TGFA: variants seen among roughly 807,000 people sequenced by gnomAD.
TGFA encodes the protein protransforming growth factor alpha.
A neutral mutation model predicts 21.7 loss-of-function variants in TGFA; 12 were observed. The ratio of observed to expected loss-of-function variants is 0.55; its 90% CI spans 0.35 to 0.90. TGFA has a LOEUF of 0.90. Ranked by LOEUF, TGFA falls within the 40% of genes least tolerant of loss-of-function variation. TGFA has a pLI of 0.01. For missense variants in TGFA, 178 were observed against 210.8 expected (o/e 0.84, Z 0.96); for synonymous variants, 79 against 88.1 (o/e 0.90, Z 0.58).
intron 2 of TGFA, among the ~76,000 whole-genome samples, chr2:70,478,551 G>A (rs987173321): frequency 6.6e-6 from 1 of 151,282 alleles, no homozygotes; most frequent in Non-Finnish European, 1.5e-5. Context: ...ATCATATCTT[G>A]TTATAACTGG....
At chr2:70,496,583 A>G (rs1215877535) in intron 2 of TGFA, among the ~76,000 whole-genome samples, 1 of 152,202 alleles carries the variant, frequency 6.6e-6, no homozygotes, top group African/African-American at 2.4e-5. Context: ...GTGACTTACT[A>G]ATTCTGACCT....
intron 1 of TGFA, among the ~76,000 whole-genome samples, chr2:70,530,289 T>G (rs906333707): frequency 6.6e-6 from 1 of 152,238 alleles, no homozygotes; most frequent in Non-Finnish European, 1.5e-5. Flanking sequence ...CAAGTTCCCT[T>G]CCAGGGTCTG....
At chr2:70,486,103 C>T (rs367797395) in intron 2 of TGFA, among the ~76,000 whole-genome samples, 2 of 152,248 alleles carry the variant, frequency 1.3e-5, no homozygotes, top group African/African-American at 2.4e-5. Context: ...TTGCTTTCTA[C>T]TGCCCACTGG....
At chr2:70,537,476 T>C (rs782230986) in intron 1 of TGFA, among the ~76,000 whole-genome samples, 2 of 152,336 alleles carry the variant, frequency 1.3e-5, no homozygotes, top group South Asian at 4.1e-4. Flanking sequence ...AACAATTAGC[T>C]AACTTGTGAA....
At chr2:70,520,386 G>A (rs782384556) in intron 1 of TGFA, among the ~76,000 whole-genome samples, 6 of 145,914 alleles carry the variant, frequency 4.1e-5, no homozygotes, top group Non-Finnish European at 6.0e-5. Flanking sequence ...GTGGTGGTGG[G>A]CATCTGTAAT....
At chr2:70,450,893 C>T (rs782786695) in intron 5 of TGFA, 27 bp from the exon 6 acceptor site, 3 of 1,602,910 alleles carry the variant, frequency 1.9e-6, no homozygotes, top group Non-Finnish European at 2.6e-6. Context: ...ACAGGTTAAG[C>T]ACTGTGGGCC....
intron 2 of TGFA, among the ~76,000 whole-genome samples, chr2:70,504,449 T>TAC (rs1289372088): frequency 4.3e-5 from 3 of 69,082 alleles, no homozygotes; most frequent in Non-Finnish European, 8.6e-5. Context: ...TATATATATA[T>TAC]ATATATATAT....
Position 70,504,453 on chromosome 2 carries a change from TATATATATATACAC to T in TGFA, c.94+10392_94+10405del, listed in dbSNP as rs1399250083. 7.4e-4 allele frequency among the ~76,000 whole-genome samples: 56 copies of T among 75,184 alleles called. 4 individuals carry two copies. The highest frequency in any genetic ancestry group is 4.6e-3 in the African/African-American group (54 of 11,666). 49.3% of individuals were successfully genotyped at this position (75,184 alleles called of 152,430 possible). A position where few individuals can be genotyped will look rare whatever the true frequency, so the allele number is the denominator to read the frequency against. On this transcript the variant is annotated intron_variant, in intron 2 of 5. Transcript: ENST00000295400. ...AAACAAATATATATATATATATATATATATATATATACACACATACATACATACATACACACACA... is the reference window on the plus strand; with the variant it reads ...AAACAAATATATATATATATATATATACATACATACATACATACACACACA...
intron 4 of TGFA, among the ~76,000 whole-genome samples, chr2:70,455,868 G>A (rs1670211801): frequency 6.6e-6 from 1 of 152,196 alleles, no homozygotes; most frequent in Non-Finnish European, 1.5e-5. Flanking sequence ...GGGCAGAGAA[G>A]TGGACAAAGA....
intron 1 of TGFA, chr2:70,553,304 G>T (rs1443041654): frequency 6.6e-7 from 1 of 1,524,900 alleles, no homozygotes; most frequent in African/African-American, 1.4e-5. Context: ...GGCAAGACCC[G>T]GCCAGAGGGT....
At chr2:70,528,261 A>C (rs1341774122) in intron 1 of TGFA, among the ~76,000 whole-genome samples, 3 of 152,254 alleles carry the variant, frequency 2.0e-5, no homozygotes, top group Admixed American at 1.3e-4. Flanking sequence ...TAATTGTAAC[A>C]AACATACTAC....
intron 2 of TGFA, among the ~76,000 whole-genome samples, chr2:70,498,977 A>G (rs1373113788): frequency 6.6e-6 from 1 of 152,036 alleles, no homozygotes; most frequent in South Asian, 2.1e-4. Flanking sequence ...CAGGCCCTGT[A>G]AATTAGAATC....
rs373035967 is a variant in TGFA at position 70,456,402 on chromosome 2, G to C, written c.302C>G (p.Thr101Ser). 6 of 1,588,682 alleles carry C rather than the reference G, an allele frequency of 3.8e-6. No individual in the cohort carries two copies. In the African/African-American group the frequency reaches 6.7e-5, roughly 18 times the overall value. ...VAASQKKQAI[T>S]ALVVVSIVAL... ...CACGATGGAGACCACCACCAAGGCG[G>C]TGATGGCCTGCTTCTTCTGGCTGGC... The change falls in exon 4 of 6, where the codon ACC (threonine) becomes AGC (serine). Residue 101 changes from threonine to serine, a missense_variant. Thr to Ser is a moderately conservative substitution (Grantham distance 58). Coordinates refer to ENST00000295400, the MANE Select transcript of TGFA (RefSeq NM_003236.4).
chr2:70,472,058 G>GT lies in TGFA; in HGVS notation c.95-6323dup, dbSNP rs34959366. On this transcript the variant is annotated intron_variant, in intron 2 of 5. Coordinates refer to ENST00000295400, the MANE Select transcript of TGFA (RefSeq NM_003236.4). The stretch of plus-strand genomic sequence containing the variant: ...TTCACTCTCCCTTTCCCACTCTATT[G>GT]TTTTTTCTGGAAATTCAAGAAAATA... 9.9e-5 allele frequency among the ~76,000 whole-genome samples: 15 copies of GT among 151,082 alleles called. No homozygotes were observed. In the East Asian group the frequency reaches 1.2e-3, roughly 12 times the overall value.
At chr2:70,465,880 C>G in intron 2 of TGFA, 144 bp from the exon 3 acceptor site, 1 of 1,230,914 alleles carries the variant, frequency 8.1e-7, no homozygotes, top group East Asian at 2.5e-5. Context: ...CCTCAGCTCT[C>G]ACTTACTTTC....
At chr2:70,460,934 C>G (rs761566278) in intron 3 of TGFA, among the ~76,000 whole-genome samples, 2 of 152,128 alleles carry the variant, frequency 1.3e-5, no homozygotes, top group Non-Finnish European at 2.9e-5. Flanking sequence ...GGTATTACAT[C>G]CTTAAAATGT....
intron 2 of TGFA, among the ~76,000 whole-genome samples, chr2:70,486,568 C>A (rs779603534): frequency 3.7e-4 from 56 of 152,070 alleles, no homozygotes; most frequent in Non-Finnish European, 5.1e-4. Flanking sequence ...TTCAAGTCAT[C>A]CTCCTGCCTC....
chr2:70,456,778 G>A (rs1422942554), intron 3 of TGFA, among the ~76,000 whole-genome samples: 1 of 152,226 alleles, frequency 6.6e-6, no homozygotes, highest in Non-Finnish European at 1.5e-5. Context: ...AATCCTGGAG[G>A]AATAAAGGCA....
At position 70,521,609 on chromosome 2, in the gene TGFA, G is replaced by GTTTTTTTTTTTTTTTT. The variant is rs797022948; in HGVS notation, c.41-6698_41-6697insAAAAAAAAAAAAAAAA. 7.6e-4 allele frequency among the ~76,000 whole-genome samples: 60 copies of GTTTTTTTTTTTTTTTT among 78,864 alleles called. 9 individuals are homozygous for GTTTTTTTTTTTTTTTT. Among genetic ancestry groups the GTTTTTTTTTTTTTTTT allele is most frequent in the East Asian group, 2.0e-3 (5 of 2,508 alleles). The allele number at this position is 78,864 out of a possible 152,430, so 51.7% of individuals were successfully genotyped here. ...ACTATTGATAGTTTTTTTTGTTGTT[G>GTTTTTTTTTTTTTTTT]TTTGTTTGTTTTTTTTTTTTTTTTT... On this transcript the variant is annotated intron_variant, in intron 1 of 5. Coordinates refer to ENST00000295400, the MANE Select transcript of TGFA (RefSeq NM_003236.4).
Sources: allele counts gnomAD v4.1 joint callset (sites outside exome capture counted in the v4.1 genomes callset), GRCh38; gene constraint gnomAD v4.1.1; transcripts MANE v1.5; gene names NCBI Gene and HGNC (gene_info 2026-07-23, HGNC 2026-07-21).